Variants in ZFAND6 observed in about 807,000 individuals in gnomAD.
The protein encoded by ZFAND6 is zinc finger AN1-type containing 6, also known as AN1-type zinc finger protein 6.
ZFAND6 carries 12 observed loss-of-function variants against 24.5 expected under a neutral mutation model. That is an observed-to-expected ratio of 0.49 (90% CI 0.31 to 0.79). ZFAND6 has a LOEUF of 0.79. Among genes scored for constraint, ZFAND6 ranks in the 30% least tolerant of loss-of-function variants. ZFAND6 has a pLI of 0.04. For missense variants in ZFAND6, 207 were observed against 245.9 expected (o/e 0.84, Z 1.06); for synonymous variants, 92 against 81.5 (o/e 1.13, Z -0.69).
At chr15:80,136,755 T>C (rs2142073048) in intron 6 of ZFAND6, among the ~76,000 whole-genome samples, 1 of 152,384 alleles carries the variant, frequency 6.6e-6, no homozygotes, top group South Asian at 2.1e-4. Flanking sequence ...ACCAGTTTTA[T>C]TTAAAGACTG....
At chr15:80,127,172 G>A (rs2040402960) in intron 5 of ZFAND6, among the ~76,000 whole-genome samples, 1 of 152,068 alleles carries the variant, frequency 6.6e-6, no homozygotes, top group Non-Finnish European at 1.5e-5. Context: ...AATCATATAT[G>A]TGATAAGGAT....
intron 1 of ZFAND6, among the ~76,000 whole-genome samples, chr15:80,064,877 C>T (rs1596170779): frequency 6.6e-6 from 1 of 152,238 alleles, no homozygotes; most frequent in African/African-American, 2.4e-5. Flanking sequence ...AGCAATTTAC[C>T]TGCCTTGGCC....
intron 1 of ZFAND6, among the ~76,000 whole-genome samples, chr15:80,064,579 C>T (rs892072018): frequency 1.4e-5 from 2 of 146,406 alleles, no homozygotes; most frequent in Non-Finnish European, 3.0e-5. Flanking sequence ...TATACATATA[C>T]ACACAAATAT....
chr15:80,079,873 G>A (rs2037545439), intron 1 of ZFAND6, among the ~76,000 whole-genome samples: 1 of 151,406 alleles, frequency 6.6e-6, no homozygotes, highest in South Asian at 2.1e-4. Context: ...GGATGGTCTC[G>A]ATCTCCTGAC....
chr15:80,094,134 G>A (rs2038563996), intron 1 of ZFAND6, among the ~76,000 whole-genome samples: 1 of 152,228 alleles, frequency 6.6e-6, no homozygotes, highest in African/African-American at 2.4e-5. Context: ...AGGTTCAGAT[G>A]CTTACCAGGT....
chr15:80,136,184 G>C (rs1425307229), intron 6 of ZFAND6, among the ~76,000 whole-genome samples: 1 of 151,236 alleles, frequency 6.6e-6, no homozygotes, highest in African/African-American at 2.4e-5. Context: ...AGCCTTTCTA[G>C]GGCTGGGCAT....
intron 5 of ZFAND6, among the ~76,000 whole-genome samples, chr15:80,126,447 AAGTGG>A (rs2040373470): frequency 6.6e-6 from 1 of 152,236 alleles, no homozygotes; most frequent in Non-Finnish European, 1.5e-5. Flanking sequence ...TCATGAAGGT[AAGTGG>A]AATAAAAAAT....
At chr15:80,074,039 A>T (rs561465580) in intron 1 of ZFAND6, among the ~76,000 whole-genome samples, 2 of 152,068 alleles carry the variant, frequency 1.3e-5, no homozygotes, top group South Asian at 4.1e-4. Context: ...CTAAAAAGTT[A>T]TACCAGTTTA....
chr15:80,085,807 T>C (rs929192247), intron 1 of ZFAND6, among the ~76,000 whole-genome samples: 1 of 152,200 alleles, frequency 6.6e-6, no homozygotes, highest in African/African-American at 2.4e-5. Flanking sequence ...TGCCACATAA[T>C]GACATGTTGG....
At position 80,126,740 on chromosome 15, in the gene ZFAND6, A is replaced by C. The variant is rs2040385658; in HGVS notation, c.364+3940A>C. On this transcript the variant is annotated intron_variant, in intron 5 of 6. Transcript: ENST00000261749. ...CTTGGTTTAGGCAGTGGTTTCTTAG[A>C]TATGACACCTTAACCACAAGCAGCC... is the stretch of plus-strand genomic sequence containing the variant. Among the ~76,000 whole-genome samples the C allele has an allele frequency of 2.6e-5, 4 of 152,228 alleles. No homozygotes were observed. The South Asian group carries it at 8.3e-4, about 31-fold the overall frequency.
intron 1 of ZFAND6, among the ~76,000 whole-genome samples, chr15:80,077,178 G>C (rs1291309449): frequency 6.6e-6 from 1 of 152,142 alleles, no homozygotes; most frequent in Non-Finnish European, 1.5e-5. Flanking sequence ...ATAACTGTTG[G>C]CTTGGACCTT....
intron 1 of ZFAND6, among the ~76,000 whole-genome samples, chr15:80,096,266 T>C (rs920216378): frequency 6.6e-6 from 1 of 152,230 alleles, no homozygotes; most frequent in South Asian, 2.1e-4. Flanking sequence ...ATGTAAATTA[T>C]TTTTATGCAG....
At chr15:80,133,622 G>GT (rs755109432) in intron 6 of ZFAND6, among the ~76,000 whole-genome samples, 22 of 152,284 alleles carry the variant, frequency 1.4e-4, no homozygotes, top group Non-Finnish European at 3.1e-4. Context: ...ATATTAAGTT[G>GT]TTGGAGAAAG....
At chr15:80,080,679 G>C (rs974197136) in intron 1 of ZFAND6, among the ~76,000 whole-genome samples, 1 of 152,186 alleles carries the variant, frequency 6.6e-6, no homozygotes, top group Non-Finnish European at 1.5e-5. Context: ...ATAAAAAGAG[G>C]TTTAATTGGC....
intron 1 of ZFAND6, among the ~76,000 whole-genome samples, chr15:80,094,153 G>A (rs2038565575): frequency 6.6e-6 from 1 of 152,172 alleles, no homozygotes; most frequent in Admixed American, 6.5e-5. Flanking sequence ...GTTTTATTTT[G>A]CAATAATTCA....
At chr15:80,103,754 T>C (rs928360867) in intron 2 of ZFAND6, among the ~76,000 whole-genome samples, 1 of 152,244 alleles carries the variant, frequency 6.6e-6, no homozygotes, top group African/African-American at 2.4e-5. Flanking sequence ...TTCCTCTGCC[T>C]CAGCAATCTT....
At chr15:80,088,124 C>A (rs1480367493) in intron 1 of ZFAND6, among the ~76,000 whole-genome samples, 3 of 152,022 alleles carry the variant, frequency 2.0e-5, no homozygotes, top group Non-Finnish European at 4.4e-5. Flanking sequence ...CTCAACAATA[C>A]CCTTTATAGC....
chr15:80,113,482 A>G lies in ZFAND6; in HGVS notation c.-17-6846A>G, dbSNP rs148780456. Reference sequence around the variant, plus strand: ...TCATTATAAATTATATTTTCTCCCTATTTTTTTCGGGAGGAGGGAGAAAAA... The same window carrying G: ...TCATTATAAATTATATTTTCTCCCTGTTTTTTTCGGGAGGAGGGAGAAAAA... On this transcript the variant is annotated intron_variant, in intron 2 of 6. Transcript: ENST00000261749. Among the ~76,000 whole-genome samples, 9 of 152,052 alleles carry G rather than the reference A, an allele frequency of 5.9e-5. No individual in the cohort carries two copies. The East Asian group carries it at 1.7e-3, about 29-fold the overall frequency.
At position 80,066,996 on chromosome 15, in the gene ZFAND6, A is replaced by G. The variant is rs572275651; in HGVS notation, c.-181+7187A>G. Among the ~76,000 whole-genome samples the G allele has an allele frequency of 2.6e-5, 4 of 152,164 alleles. No individual in the cohort carries two copies. The South Asian group carries it at 8.3e-4, about 31-fold the overall frequency. On this transcript the variant is annotated intron_variant, in intron 1 of 6. Coordinates refer to ENST00000261749, the MANE Select transcript of ZFAND6 (RefSeq NM_019006.4). ...GCTTGTCCTGTGTAGAAAATTTGGA[A>G]CTTTGATTCTGAGTTCTAAAATCAA...
Sources: allele counts gnomAD v4.1 joint callset (sites outside exome capture counted in the v4.1 genomes callset), GRCh38; gene constraint gnomAD v4.1.1; transcripts MANE v1.5; gene names NCBI Gene and HGNC (gene_info 2026-07-23, HGNC 2026-07-21).